GRM8: variants seen among roughly 807,000 people sequenced by gnomAD.
GRM8 encodes the protein glutamate metabotropic receptor 8.
A neutral mutation model predicts 87.2 loss-of-function variants in GRM8; 47 were observed. That is an observed-to-expected ratio of 0.54 (90% CI 0.43 to 0.69). The LOEUF (loss-of-function observed/expected upper bound fraction) is 0.69, where lower values mean the gene tolerates loss of function less well. Among genes scored for constraint, GRM8 ranks in the 30% least tolerant of loss-of-function variants. The probability of loss-of-function intolerance (pLI) is 0.00; values close to 1 mark genes in which losing one functional copy is unlikely to be tolerated. For synonymous variants in GRM8, 396 were observed against 404.5 expected, an observed-to-expected ratio of 0.98 and a Z score of 0.25; for missense variants, 1,019 against 1,139.2, an observed-to-expected ratio of 0.89 and a Z score of 1.52.
intron 7 of GRM8, among the ~76,000 whole-genome samples, chr7:126,709,079 A>C (rs7794592): frequency 0.49 from 75,000 of 151,968 alleles, 20,520 homozygotes; most frequent in African/African-American, 0.74. Context: ...TAAATATATA[A>C]AATTTTTTGT....
intron 6 of GRM8, among the ~76,000 whole-genome samples, chr7:126,811,356 TC>T (rs909427047): frequency 8.6e-4 from 131 of 152,136 alleles, no homozygotes; most frequent in African/African-American, 3.1e-3. Flanking sequence ...ATTTTTTTTT[TC>T]TTTGGTTTCA....
At chr7:126,485,719 G>A (rs373951771) in intron 9 of GRM8, among the ~76,000 whole-genome samples, 3 of 151,938 alleles carry the variant, frequency 2.0e-5, no homozygotes, top group Non-Finnish European at 2.9e-5. Context: ...TTCGGCCTGA[G>A]AACTAAAACT....
chr7:126,494,974 A>G (rs1808522671), intron 9 of GRM8, among the ~76,000 whole-genome samples: 1 of 152,070 alleles, frequency 6.6e-6, no homozygotes, highest in Non-Finnish European at 1.5e-5. Flanking sequence ...TCTCTTATTA[A>G]TGGACTTTAT....
At chr7:127,092,775 C>T (rs1012891883) in intron 3 of GRM8, among the ~76,000 whole-genome samples, 1 of 152,166 alleles carries the variant, frequency 6.6e-6, no homozygotes, top group African/African-American at 2.4e-5. Context: ...GCACGGATTC[C>T]AGGCTGTGAG....
At position 126,533,698 on chromosome 7, in the gene GRM8, G is replaced by A. The variant is rs1041591662; in HGVS notation, c.1684C>T (p.Pro562Ser). 1 of 1,614,088 alleles carries A rather than the reference G, an allele frequency of 6.2e-7. No individual in the cohort carries two copies. Among genetic ancestry groups the A allele is most frequent in the Admixed American group, 1.7e-5 (1 of 60,020 alleles). ...SCELCPLDQR[P>S]NMNRTGCQLI... ...TGGCAGCCTGTGCGGTTCATGTTGGGTCTCTGATCCAGAGGGCAAAGTTCA... is the reference window on the plus strand; with the variant it reads ...TGGCAGCCTGTGCGGTTCATGTTGGATCTCTGATCCAGAGGGCAAAGTTCA... Residue 562 changes from proline (P) to serine (S), a missense_variant, in exon 9 of 11, where the codon CCC becomes TCC. Pro to Ser is a moderately conservative substitution (Grantham distance 74). Coordinates refer to ENST00000339582, the MANE Select transcript of GRM8 (RefSeq NM_000845.3).
rs1436224158 is a variant in GRM8 at position 126,444,497 on chromosome 7, C to T, written c.2677+1629G>A. On this transcript the variant is annotated intron_variant, in intron 10 of 10. Transcript: ENST00000339582. ...TTCTTGTAAGGTTCATTTCTCTACA[C>T]GTGACTAAATTTGGTATTGGTGACC... Among the ~76,000 whole-genome samples the T allele has an allele frequency of 2.0e-5, 3 of 152,154 alleles. No individual in the cohort carries two copies. The East Asian group carries it at 5.8e-4, about 30-fold the overall frequency.
At chr7:126,644,055 CT>C (rs1802768458) in intron 7 of GRM8, among the ~76,000 whole-genome samples, 1 of 152,168 alleles carries the variant, frequency 6.6e-6, no homozygotes. Flanking sequence ...AGAGTTTCGT[CT>C]TTTGCAGAAA....
intron 2 of GRM8, among the ~76,000 whole-genome samples, chr7:127,107,818 A>G (rs1274211233): frequency 6.6e-6 from 1 of 152,118 alleles, no homozygotes; most frequent in Non-Finnish European, 1.5e-5. Context: ...AACCTTCCTA[A>G]GTCTAGAGAG....
intron 2 of GRM8, among the ~76,000 whole-genome samples, chr7:127,235,960 T>G (rs939448397): frequency 2.0e-5 from 3 of 146,736 alleles, no homozygotes; most frequent in African/African-American, 7.5e-5. Flanking sequence ...AAGTGGACTT[T>G]CCTTTCATAC....
At chr7:127,038,776 T>C (rs1001203745) in intron 3 of GRM8, among the ~76,000 whole-genome samples, 1 of 152,248 alleles carries the variant, frequency 6.6e-6, no homozygotes, top group Non-Finnish European at 1.5e-5. Flanking sequence ...GTGGTAGGTA[T>C]TTCTTTATCT....
intron 8 of GRM8, among the ~76,000 whole-genome samples, chr7:126,559,872 CA>C (rs1292873926): frequency 2.6e-5 from 4 of 152,186 alleles, no homozygotes; most frequent in African/African-American, 4.8e-5. Flanking sequence ...TCTCCATTTG[CA>C]ACTGGATATA....
At chr7:127,051,739 CAAA>C (rs59713382) in intron 3 of GRM8, among the ~76,000 whole-genome samples, 12 of 58,470 alleles carry the variant, frequency 2.1e-4, no homozygotes, top group African/African-American at 3.6e-4. Context: ...TAATGTTGAG[CAAA>C]AAAAAAAAAA....
chr7:126,967,169 G>T (rs75148302), intron 3 of GRM8, among the ~76,000 whole-genome samples: 2 of 9,162 alleles, frequency 2.2e-4, no homozygotes, highest in African/African-American at 1.6e-3. Flanking sequence ...GTGTGTGTTT[G>T]TGTGTGTGTG....
intron 3 of GRM8, among the ~76,000 whole-genome samples, chr7:127,054,295 T>C (rs1819768717): frequency 6.7e-6 from 1 of 149,920 alleles, no homozygotes; most frequent in Non-Finnish European, 1.5e-5. Flanking sequence ...AAAATGAGAA[T>C]TACTTAGTGG....
chr7:126,594,260 C>A (rs1357082740), intron 8 of GRM8, among the ~76,000 whole-genome samples: 4 of 151,906 alleles, frequency 2.6e-5, no homozygotes, highest in Non-Finnish European at 5.9e-5. Context: ...GAAGTGAAAT[C>A]AGTATGTTGA....
At chr7:126,547,202 C>G (rs1049131153) in intron 8 of GRM8, among the ~76,000 whole-genome samples, 2 of 152,016 alleles carry the variant, frequency 1.3e-5, no homozygotes, top group African/African-American at 4.8e-5. Context: ...TATAGTGCAC[C>G]CTTACATATA....
intron 6 of GRM8, among the ~76,000 whole-genome samples, chr7:126,828,740 C>T (rs1422854771): frequency 6.6e-6 from 1 of 152,136 alleles, no homozygotes. Context: ...TTGCCTTCTG[C>T]TAGCTTTTGA....
intron 2 of GRM8, among the ~76,000 whole-genome samples, chr7:127,189,201 T>C (rs1794892724): frequency 6.6e-6 from 1 of 152,200 alleles, no homozygotes; most frequent in East Asian, 1.9e-4. Context: ...TCACTCATCA[T>C]TACAAATGTG....
chr7:127,204,915 A>G (rs1259130726), intron 2 of GRM8, among the ~76,000 whole-genome samples: 2 of 152,202 alleles, frequency 1.3e-5, no homozygotes, highest in East Asian at 3.8e-4. Context: ...CTTATGTACA[A>G]ATGGCTTCAT....
Sources: gnomAD v4.1 joint callset for allele counts (sites outside exome capture counted in the v4.1 genomes callset) on GRCh38, gnomAD v4.1.1 for gene constraint, MANE v1.5 for transcripts, NCBI Gene and HGNC (gene_info 2026-07-23, HGNC 2026-07-21) for gene names.